Variants in PRPS1 observed in about 807,000 individuals in gnomAD.
PRPS1 encodes the protein phosphoribosyl pyrophosphate synthetase 1, also known as ribose-phosphate pyrophosphokinase 1.
In PRPS1, 1 loss-of-function variant was observed where a neutral mutation model predicts 16.9. The observed-to-expected ratio is 0.06, with a 90% CI of 0.02 to 0.28. The LOEUF (loss-of-function observed/expected upper bound fraction) is 0.28, where lower values mean the gene tolerates loss of function less well. PRPS1 is among the 10% of genes least tolerant of loss of function. PRPS1 has a pLI of 1.00. For missense variants in PRPS1, 47 were observed against 254.0 expected, an observed-to-expected ratio of 0.19 and a Z score of 5.54; for synonymous variants, 70 against 90.2, an observed-to-expected ratio of 0.78 and a Z score of 1.27.
chrX:107,647,520 G>A, intron 5 of PRPS1, 86 bp from the exon 6 acceptor site: 1 of 961,181 alleles, frequency 1.0e-6, no homozygotes, highest in Non-Finnish European at 1.5e-6. Flanking sequence ...TGTTGTGGAA[G>A]CCTAAGCAGG....
chrX:107,638,723 A>ATATTTTATTT lies in PRPS1; in HGVS notation c.123-555_123-546dup, dbSNP rs749021712. 1.9e-3 allele frequency among the ~76,000 whole-genome samples: 210 copies of ATATTTTATTT among 108,665 alleles called. 1 individual carries two copies. The highest frequency in any genetic ancestry group is 6.4e-3 in the African/African-American group (190 of 29,710). The allele number at this position is 108,665 out of a possible 115,157, so 94.4% of individuals were successfully genotyped here. On this transcript the variant is annotated intron_variant, in intron 1 of 6. Coordinates refer to ENST00000372435, the MANE Select transcript of PRPS1 (RefSeq NM_002764.4). ...GAGCCACCATGCCAGGCCCTCCCAT[A>ATATTTTATTT]TATTTTATTTTATTTTATTTTATTT...
chrX:107,632,094 T>C (rs144193551), intron 1 of PRPS1, among the ~76,000 whole-genome samples: 1,262 of 112,657 alleles, frequency 0.011, 21 homozygotes, highest in African/African-American at 0.039. Context: ...GGAATAACTC[T>C]TACTATCCCT....
intron 1 of PRPS1, among the ~76,000 whole-genome samples, chrX:107,636,172 G>C (rs763916436): frequency 1.6e-4 from 18 of 111,002 alleles, no homozygotes; most frequent in Non-Finnish European, 1.9e-5. Context: ...ACCCAGGCTG[G>C]AGTGCAGCGG....
At chrX:107,632,134 TG>T (rs1925320281) in intron 1 of PRPS1, among the ~76,000 whole-genome samples, 1 of 112,734 alleles carries the variant, frequency 8.9e-6, no homozygotes, top group African/African-American at 3.2e-5. Context: ...TACAGTAAGA[TG>T]CAGAGTAACT....
At chrX:107,642,683 G>A in intron 4 of PRPS1, 193 bp downstream of exon 4, 1 of 466,197 alleles carries the variant, frequency 2.1e-6, no homozygotes, top group African/African-American at 2.4e-5. Context: ...CGGAAGACAA[G>A]ACAGAAAAGG....
intron 1 of PRPS1, 55 bp downstream of exon 1, chrX:107,628,805 T>A: frequency 1.7e-6 from 2 of 1,206,315 alleles, no homozygotes; most frequent in Non-Finnish European, 2.2e-6. Context: ...CGGCAGAGTA[T>A]AGGAGGGATG....
intron 1 of PRPS1, among the ~76,000 whole-genome samples, chrX:107,632,637 G>T (rs10217967): frequency 0.059 from 6,661 of 112,444 alleles, 487 homozygotes; most frequent in African/African-American, 0.2. Flanking sequence ...TAACTAGAGG[G>T]AGAGAACAAG....
At chrX:107,635,016 AT>A (rs1284978545) in intron 1 of PRPS1, among the ~76,000 whole-genome samples, 1 of 108,649 alleles carries the variant, frequency 9.2e-6, no homozygotes, top group Non-Finnish European at 1.9e-5. Flanking sequence ...ATTTTTTTGT[AT>A]TTTTTAGTAG....
At chrX:107,643,527 A>G (rs907553083) in intron 4 of PRPS1, among the ~76,000 whole-genome samples, 6 of 111,686 alleles carry the variant, frequency 5.4e-5, no homozygotes, top group African/African-American at 2.0e-4. Context: ...TCATTGTCTT[A>G]TAGTGATGGA....
At chrX:107,641,146 G>A in intron 3 of PRPS1, 146 bp downstream of exon 3, 1 of 1,170,591 alleles carries the variant, frequency 8.5e-7, no homozygotes, top group Non-Finnish European at 1.1e-6. Context: ...TTCACCTTAA[G>A]CATACTTCAT....
At chrX:107,635,494 T>G (rs913356882) in intron 1 of PRPS1, among the ~76,000 whole-genome samples, 1 of 108,611 alleles carries the variant, frequency 9.2e-6, no homozygotes, top group Non-Finnish European at 1.9e-5. Context: ...CAGGCTGGAG[T>G]GCAGTGGCAT....
At chrX:107,647,096 A>T (rs1046890519) in intron 5 of PRPS1, among the ~76,000 whole-genome samples, 1 of 112,831 alleles carries the variant, frequency 8.9e-6, no homozygotes, top group African/African-American at 3.2e-5. Context: ...CCTAACCCCA[A>T]TGTGATGGTA....
intron 5 of PRPS1, among the ~76,000 whole-genome samples, chrX:107,646,556 T>G (rs1925699604): frequency 8.9e-6 from 1 of 112,459 alleles, no homozygotes; most frequent in Non-Finnish European, 1.9e-5. Context: ...ATTTCATCCT[T>G]GTACAAGTAC....
At chrX:107,641,310 T>C (rs763687524) in intron 3 of PRPS1, among the ~76,000 whole-genome samples, 1 of 111,906 alleles carries the variant, frequency 8.9e-6, no homozygotes, top group East Asian at 2.8e-4. Flanking sequence ...ATTGTGAGTA[T>C]AAAACATTAA....
intron 5 of PRPS1, among the ~76,000 whole-genome samples, chrX:107,647,188 T>C (rs1336210848): frequency 8.9e-6 from 1 of 112,508 alleles, no homozygotes; most frequent in Non-Finnish European, 1.9e-5. Flanking sequence ...TGAATGCCCT[T>C]ATAAGAAGAG....
rs1804226 is a variant in PRPS1 at position 107,650,954 on chromosome X, A to G, written c.*922A>G. Reference sequence around the variant, plus strand: ...TCTATTTGGCCTCTCAAATGAACTGAGATTCCTGTTAAAAAAGATTGATGT... The same window carrying G: ...TCTATTTGGCCTCTCAAATGAACTGGGATTCCTGTTAAAAAAGATTGATGT... On this transcript the variant is annotated 3_prime_UTR_variant, in exon 7 of 7. Coordinates refer to ENST00000372435, the MANE Select transcript of PRPS1 (RefSeq NM_002764.4). The G allele has an allele frequency of 4.0e-5, 9 of 225,734 alleles. No individual in the cohort carries two copies. The highest frequency in any genetic ancestry group is 2.3e-4 in the African/African-American group (8 of 34,743). The allele number at this position is 225,734 out of a possible 1,213,427, so 18.6% of individuals were successfully genotyped here.
Position 107,636,069 on chromosome X carries a change from A to AC in PRPS1, c.123-3226_123-3225insC, listed in dbSNP as rs1260495172. Among the ~76,000 whole-genome samples, 717 of 108,168 alleles carry AC rather than the reference A, an allele frequency of 6.6e-3. 8 individuals are homozygous for AC. The highest frequency in any genetic ancestry group is 0.023 in the African/African-American group (666 of 29,550). The allele number at this position is 108,168 out of a possible 115,157, so 93.9% of individuals were successfully genotyped here. On this transcript the variant is annotated intron_variant, in intron 1 of 6. Coordinates refer to ENST00000372435, the MANE Select transcript of PRPS1 (RefSeq NM_002764.4). ...GCGAGACTGTCTCAAAAAAAAAAAAAAAAAAAAACTGAAAACGTCCCAAAA... is the reference window on the plus strand; with the variant it reads ...GCGAGACTGTCTCAAAAAAAAAAAAACAAAAAAAACTGAAAACGTCCCAAAA...
intron 1 of PRPS1, among the ~76,000 whole-genome samples, chrX:107,630,637 C>T (rs935465458): frequency 9.1e-6 from 1 of 110,310 alleles, no homozygotes; most frequent in African/African-American, 3.3e-5. Flanking sequence ...TAACTGCTCC[C>T]TATAACTGCT....
At chrX:107,628,838 A>C in intron 1 of PRPS1, 88 bp downstream of exon 1, 2 of 1,157,558 alleles carry the variant, frequency 1.7e-6, no homozygotes, top group Admixed American at 4.6e-5. Flanking sequence ...GAGCTCAAAC[A>C]GACTGGGGGT....
Sources: gnomAD v4.1 joint callset for allele counts (sites outside exome capture counted in the v4.1 genomes callset) on GRCh38, gnomAD v4.1.1 for gene constraint, MANE v1.5 for transcripts, NCBI Gene and HGNC (gene_info 2026-07-23, HGNC 2026-07-21) for gene names.